ADK: variants seen among roughly 807,000 people sequenced by gnomAD.
ADK encodes the protein N6,N6-dimethyladenosine kinase.
ADK carries 24 observed loss-of-function variants against 44.7 expected under a neutral mutation model. The observed-to-expected ratio is 0.54, with a 90% CI of 0.39 to 0.76. The LOEUF is 0.76. ADK is among the 30% of genes least tolerant of loss of function. The probability of loss-of-function intolerance (pLI) is 0.00; values close to 1 mark genes in which losing one functional copy is unlikely to be tolerated. For missense variants in ADK, 321 were observed against 425.1 expected (o/e 0.76, Z 2.15); for synonymous variants, 128 against 142.6 (o/e 0.90, Z 0.73).
intron 7 of ADK, among the ~76,000 whole-genome samples, chr10:74,563,118 C>A (rs1850522391): frequency 6.6e-6 from 1 of 152,068 alleles, no homozygotes; most frequent in Non-Finnish European, 1.5e-5. Context: ...TGGCTATTCT[C>A]AGGCATGATT....
rs552720122 is a variant in ADK at position 74,279,211 on chromosome 10, C to T, written c.195-35456C>T. 4.0e-5 allele frequency among the ~76,000 whole-genome samples: 6 copies of T among 151,778 alleles called. No individual in the cohort carries two copies. In the South Asian group the frequency reaches 1.0e-3, roughly 26 times the overall value. ...GGGAGATTTGCTTGAATCTGGGAGGCGGAGGTTGCAGTGATCCGAGATTGC... is the reference window on the plus strand; with the variant it reads ...GGGAGATTTGCTTGAATCTGGGAGGTGGAGGTTGCAGTGATCCGAGATTGC... On this transcript the variant is annotated intron_variant, in intron 3 of 10. Coordinates refer to ENST00000539909, the MANE Select transcript of ADK (RefSeq NM_006721.4).
At chr10:74,510,641 C>G (rs752618246) in intron 6 of ADK, among the ~76,000 whole-genome samples, 5 of 152,148 alleles carry the variant, frequency 3.3e-5, no homozygotes, top group Non-Finnish European at 7.4e-5. Flanking sequence ...TTTTCCAGAT[C>G]AATGTCCTAA....
chr10:74,182,330 G>A (rs1842588664), intron 1 of ADK, among the ~76,000 whole-genome samples: 1 of 138,848 alleles, frequency 7.2e-6, no homozygotes. Context: ...ATATTTTGAA[G>A]AAGTAAAACA....
chr10:74,278,486 C>T (rs957460768), intron 3 of ADK, among the ~76,000 whole-genome samples: 1 of 150,314 alleles, frequency 6.7e-6, no homozygotes, highest in Admixed American at 6.6e-5. Flanking sequence ...GATGCACATA[C>T]TTTTAAAATT....
chr10:74,542,707 T>G (rs191110598), intron 7 of ADK, among the ~76,000 whole-genome samples: 1 of 152,200 alleles, frequency 6.6e-6, no homozygotes, highest in Admixed American at 6.5e-5. Flanking sequence ...CATTTCTAAA[T>G]TTCTTTTAGC....
chr10:74,589,606 T>G (rs1488673445), intron 8 of ADK, among the ~76,000 whole-genome samples: 1 of 152,172 alleles, frequency 6.6e-6, no homozygotes, highest in Non-Finnish European at 1.5e-5. Flanking sequence ...TCTGCAGATA[T>G]GGGGCCTGTC....
chr10:74,228,785 G>T (rs1844643463), intron 3 of ADK, among the ~76,000 whole-genome samples: 1 of 152,172 alleles, frequency 6.6e-6, no homozygotes, highest in Non-Finnish European at 1.5e-5. Flanking sequence ...TTTAGGTAAG[G>T]AAAGTTAAAA....
At position 74,316,704 on chromosome 10, in the gene ADK, A is replaced by G. The variant is rs565400285; in HGVS notation, c.273+1959A>G. 4.6e-5 allele frequency among the ~76,000 whole-genome samples: 7 copies of G among 152,312 alleles called. No homozygotes were observed. The East Asian group carries it at 9.6e-4, about 21-fold the overall frequency. On this transcript the variant is annotated intron_variant, in intron 4 of 10. Transcript: ENST00000539909. ...CCAGTCTCAGGCAGTTCTTTACAGT[A>G]GTGTGAAAATGAACTAATACCGGGA...
intron 3 of ADK, among the ~76,000 whole-genome samples, chr10:74,310,740 C>G (rs1438546053): frequency 2.0e-5 from 3 of 152,100 alleles, no homozygotes; most frequent in African/African-American, 7.2e-5. Context: ...GTTACCTTTT[C>G]TTTGTCAGTT....
At chr10:74,594,459 TAAAG>T (rs1162533165) in intron 8 of ADK, among the ~76,000 whole-genome samples, 1 of 149,208 alleles carries the variant, frequency 6.7e-6, no homozygotes, top group Non-Finnish European at 1.5e-5. Flanking sequence ...AGCAAGGAGG[TAAAG>T]AAGGGATAGA....
intron 1 of ADK, among the ~76,000 whole-genome samples, chr10:74,196,327 G>C (rs1389089031): frequency 6.6e-6 from 1 of 151,906 alleles, no homozygotes; most frequent in African/African-American, 2.4e-5. Flanking sequence ...AGATCACGAG[G>C]TCAAGAGATG....
At chr10:74,573,543 A>T (rs1851052091) in intron 7 of ADK, among the ~76,000 whole-genome samples, 2 of 152,170 alleles carry the variant, frequency 1.3e-5, no homozygotes, top group Non-Finnish European at 2.9e-5. Flanking sequence ...AAGCTGTCAG[A>T]TAGGGACATT....
intron 6 of ADK, among the ~76,000 whole-genome samples, chr10:74,469,940 G>A (rs1327569835): frequency 6.6e-6 from 1 of 150,944 alleles, no homozygotes; most frequent in East Asian, 1.9e-4. Context: ...TGTCCTCAAG[G>A]TTCATCCATC....
intron 4 of ADK, among the ~76,000 whole-genome samples, chr10:74,385,011 G>A (rs1843096034): frequency 6.6e-6 from 1 of 152,172 alleles, no homozygotes; most frequent in South Asian, 2.1e-4. Context: ...TTTGCAAATG[G>A]TTGCATGGTT....
chr10:74,202,170 A>G (rs1843421713), intron 2 of ADK, among the ~76,000 whole-genome samples: 1 of 152,134 alleles, frequency 6.6e-6, no homozygotes, highest in African/African-American at 2.4e-5. Flanking sequence ...TGAGCATTTT[A>G]TAGAAATGGA....
intron 7 of ADK, among the ~76,000 whole-genome samples, chr10:74,561,559 A>AATGT (rs1399293660): frequency 6.6e-6 from 1 of 152,190 alleles, no homozygotes; most frequent in Admixed American, 6.5e-5. Flanking sequence ...TTATTTGTCT[A>AATGT]ATGTATGTGT....
intron 7 of ADK, among the ~76,000 whole-genome samples, chr10:74,539,241 G>A (rs1220259992): frequency 6.6e-6 from 1 of 152,116 alleles, no homozygotes; most frequent in African/African-American, 2.4e-5. Flanking sequence ...TGTCCAGGCT[G>A]TTCTCAAACT....
At chr10:74,346,994 C>T (rs1841788261) in intron 4 of ADK, among the ~76,000 whole-genome samples, 1 of 151,232 alleles carries the variant, frequency 6.6e-6, no homozygotes, top group African/African-American at 2.4e-5. Flanking sequence ...GTAGTCCCAG[C>T]TACTCAGGAG....
intron 10 of ADK, among the ~76,000 whole-genome samples, chr10:74,683,130 A>G (rs114859560): frequency 0.011 from 1,738 of 152,314 alleles, 40 homozygotes; most frequent in African/African-American, 0.038. Context: ...GGAAACCATT[A>G]CTTTGTCACA....
Sources: gnomAD v4.1 joint callset for allele counts (sites outside exome capture counted in the v4.1 genomes callset) on GRCh38, gnomAD v4.1.1 for gene constraint, MANE v1.5 for transcripts, NCBI Gene and HGNC (gene_info 2026-07-23, HGNC 2026-07-21) for gene names.